The following SMYD3 variants were observed in gnomAD, a reference collection of about 807,000 sequenced individuals.
The protein encoded by SMYD3 is SET and MYND domain containing 3, also known as histone-lysine N-methyltransferase SMYD3.
SMYD3 carries 36 observed loss-of-function variants against 57.7 expected under a neutral mutation model. The ratio of observed to expected loss-of-function variants is 0.62; its 90% confidence interval spans 0.48 to 0.82. The LOEUF is 0.82. Ranked by LOEUF, SMYD3 falls within the 40% of genes least tolerant of loss-of-function variation. The pLI is 0.00. For synonymous variants in SMYD3, 211 were observed against 195.0 expected, an observed-to-expected ratio of 1.08 and a Z score of -0.68; for missense variants, 515 against 538.8, an observed-to-expected ratio of 0.96 and a Z score of 0.44.
intron 5 of SMYD3, among the ~76,000 whole-genome samples, chr1:246,212,836 A>C (rs531033906): frequency 6.6e-6 from 1 of 152,312 alleles, no homozygotes; most frequent in East Asian, 1.9e-4. Context: ...TAATCTAAAC[A>C]ACAAATATGT....
At chr1:245,812,972 G>C (rs886948559) in intron 10 of SMYD3, among the ~76,000 whole-genome samples, 1 of 150,588 alleles carries the variant, frequency 6.6e-6, no homozygotes, top group Non-Finnish European at 1.5e-5. Context: ...GAGGAGGAGA[G>C]GAAGGCATGG....
At chr1:246,467,420 G>T (rs886676847) in intron 1 of SMYD3, among the ~76,000 whole-genome samples, 45 of 152,084 alleles carry the variant, frequency 3.0e-4, no homozygotes, top group African/African-American at 1.1e-3. Flanking sequence ...ATGAAACAAA[G>T]AGCTGGTTTT....
At chr1:245,946,355 C>G (rs2057428320) in intron 5 of SMYD3, among the ~76,000 whole-genome samples, 1 of 152,124 alleles carries the variant, frequency 6.6e-6, no homozygotes, top group African/African-American at 2.4e-5. Flanking sequence ...AAAATCACAC[C>G]ACTCAACACA....
chr1:246,002,240 T>A (rs12755059), intron 5 of SMYD3, among the ~76,000 whole-genome samples: 96,582 of 140,130 alleles, frequency 0.69, 34,216 homozygotes, highest in Admixed American at 0.76. Context: ...GCTGGAGTGC[T>A]GTGGCGCGAT....
At chr1:245,937,194 C>T (rs1261184062) in intron 5 of SMYD3, among the ~76,000 whole-genome samples, 1 of 152,066 alleles carries the variant, frequency 6.6e-6, no homozygotes, top group African/African-American at 2.4e-5. Context: ...ACACAAAATC[C>T]TCAACAATCA....
At chr1:246,177,806 A>T (rs1031035442) in intron 5 of SMYD3, among the ~76,000 whole-genome samples, 2 of 152,224 alleles carry the variant, frequency 1.3e-5, no homozygotes, top group African/African-American at 4.8e-5. Flanking sequence ...ACTTCGAAGG[A>T]TTCAGATATT....
intron 10 of SMYD3, among the ~76,000 whole-genome samples, chr1:245,823,997 C>G (rs1377879565): frequency 6.6e-6 from 1 of 152,174 alleles, no homozygotes; most frequent in African/African-American, 2.4e-5. Context: ...GCTCTGGACT[C>G]TTAAGGACCC....
intron 5 of SMYD3, among the ~76,000 whole-genome samples, chr1:246,254,143 C>A (rs2063840944): frequency 6.6e-6 from 1 of 152,146 alleles, no homozygotes; most frequent in African/African-American, 2.4e-5. Flanking sequence ...TGCAGAAGTT[C>A]TTTGGTTTAA....
At chr1:246,399,343 ATTTATT>A (rs2066729986) in intron 1 of SMYD3, among the ~76,000 whole-genome samples, 1 of 148,386 alleles carries the variant, frequency 6.7e-6, no homozygotes, top group South Asian at 2.1e-4. Context: ...ATTTTTATTT[ATTTATT>A]TTTGAGGCAC....
chr1:246,330,341 T>G, intron 4 of SMYD3, 139 bp downstream of exon 4: 1 of 598,368 alleles, frequency 1.7e-6, no homozygotes, highest in Non-Finnish European at 2.7e-6. Context: ...AGTGTGACAG[T>G]TGTATATAAA....
intron 5 of SMYD3, among the ~76,000 whole-genome samples, chr1:246,062,402 G>GA (rs896874086): frequency 6.6e-6 from 1 of 152,140 alleles, no homozygotes; most frequent in African/African-American, 2.4e-5. Flanking sequence ...TGCAATTACA[G>GA]AACTCCTAAA....
At chr1:246,419,992 G>A (rs978675644) in intron 1 of SMYD3, among the ~76,000 whole-genome samples, 4 of 152,184 alleles carry the variant, frequency 2.6e-5, no homozygotes, top group Non-Finnish European at 4.4e-5. Flanking sequence ...TCAGGAGATC[G>A]AGACTTCTCC....
chr1:246,074,068 T>C (rs1024121126), intron 5 of SMYD3, among the ~76,000 whole-genome samples: 2 of 152,224 alleles, frequency 1.3e-5, no homozygotes, highest in Non-Finnish European at 2.9e-5. Context: ...TGTGTGATTT[T>C]TGTTCTTTTA....
rs1242789645 is a variant in SMYD3, at chr1:245,774,598, G to A, written c.1077-10449C>T. On this transcript the variant is annotated intron_variant, in intron 10 of 11. Coordinates refer to ENST00000490107, the MANE Select transcript of SMYD3 (RefSeq NM_001167740.2). ...TTAAAATATATTGAAAACCACTGAA[G>A]TATACACTTTAAATGGATAAATCCC... 2.6e-5 allele frequency among the ~76,000 whole-genome samples: 4 copies of A among 152,100 alleles called. No individual in the cohort carries two copies. The South Asian group carries it at 8.3e-4, about 31-fold the overall frequency.
intron 1 of SMYD3, among the ~76,000 whole-genome samples, chr1:246,447,650 G>A (rs2067568806): frequency 6.6e-6 from 1 of 152,148 alleles, no homozygotes; most frequent in Admixed American, 6.5e-5. Flanking sequence ...CACATAAGGA[G>A]AGCTAGCAGG....
chr1:246,003,954 C>G (rs12754740), intron 5 of SMYD3, among the ~76,000 whole-genome samples: 66,274 of 151,998 alleles, frequency 0.44, 17,775 homozygotes, highest in Non-Finnish European at 0.61. Flanking sequence ...GTTATATAAG[C>G]TCAGGTATGA....
At chr1:245,959,778 C>T (rs2147982589) in intron 5 of SMYD3, among the ~76,000 whole-genome samples, 1 of 152,138 alleles carries the variant, frequency 6.6e-6, no homozygotes, top group East Asian at 1.9e-4. Context: ...GACAACATCA[C>T]TTTTCTTTTT....
intron 8 of SMYD3, among the ~76,000 whole-genome samples, chr1:245,912,724 G>A (rs1171196155): frequency 6.6e-6 from 1 of 152,086 alleles, no homozygotes; most frequent in Non-Finnish European, 1.5e-5. Context: ...GCAACTGATT[G>A]TCAACAAAGG....
At chr1:246,316,361 G>GTT (rs746235263) in intron 5 of SMYD3, among the ~76,000 whole-genome samples, 3,059 of 133,404 alleles carry the variant, frequency 0.023, 135 homozygotes, top group African/African-American at 0.079. Context: ...GTCTTCATGG[G>GTT]TTTTTTTTTT....
Sources: gnomAD v4.1 joint callset for allele counts (sites outside exome capture counted in the v4.1 genomes callset) on GRCh38, gnomAD v4.1.1 for gene constraint, MANE v1.5 for transcripts, NCBI Gene and HGNC (gene_info 2026-07-23, HGNC 2026-07-21) for gene names.